Variants in PDE2A observed in about 807,000 individuals in gnomAD.
PDE2A encodes the protein phosphodiesterase 2A, also known as cGMP-dependent 3',5'-cyclic phosphodiesterase.
A neutral mutation model predicts 133.6 loss-of-function variants in PDE2A; 53 were observed. That is an observed-to-expected ratio of 0.40 (90% confidence interval 0.32 to 0.50). PDE2A has a LOEUF of 0.50. PDE2A is among the 20% of genes least tolerant of loss of function. The probability of loss-of-function intolerance (pLI) is 0.73; values close to 1 mark genes in which losing one functional copy is unlikely to be tolerated. For synonymous variants in PDE2A, 491 were observed against 490.2 expected, an observed-to-expected ratio of 1.00 and a Z score of -0.02; for missense variants, 796 against 1,232.4, an observed-to-expected ratio of 0.65 and a Z score of 5.30.
At position 72,674,381 on chromosome 11, in the gene PDE2A, C is replaced by T; in HGVS notation, c.-174G>A. ...TCCAGCTCTGCTGCCCCGCTGCTCC[C>T]GCCTCTCCCGCTGCCACTGCCTCTG... On this transcript the variant is annotated 5_prime_UTR_variant, in exon 1 of 31. Transcript: ENST00000334456. The T allele has an allele frequency of 1.7e-6, 1 of 591,280 alleles. No individual in the cohort carries two copies. 36.6% of individuals were successfully genotyped at this position (591,280 alleles called of 1,614,324 possible). A position where few individuals can be genotyped will look rare whatever the true frequency, so the allele number is the denominator to read the frequency against.
intron 1 of PDE2A, among the ~76,000 whole-genome samples, chr11:72,660,979 G>C (rs1040146529): frequency 2.6e-5 from 4 of 152,046 alleles, no homozygotes; most frequent in African/African-American, 9.7e-5. Context: ...ATGAGGCAGA[G>C]GGCATCTGGC....
chr11:72,605,191 G>A lies in PDE2A; in HGVS notation c.270C>T (p.Ser90=), dbSNP rs1856917471. ...TVYTYLLDGE[S]QLVCEDPPHE... ...GTGGGGGGTCCTCACACACCAGCTG[G>A]GACTCACCATCCAGTAGGTAGGTGT... Residue 90 remains serine (S), a synonymous_variant, in exon 4 of 31, where the codon TCC becomes TCT. Coordinates refer to ENST00000334456, the MANE Select transcript of PDE2A (RefSeq NM_002599.5). 6.2e-7 allele frequency: 1 copy of A among 1,611,204 alleles called. No homozygotes were observed. The highest frequency in any genetic ancestry group is 8.5e-7 in the Non-Finnish European group (1 of 1,178,438).
intron 4 of PDE2A, among the ~76,000 whole-genome samples, chr11:72,602,415 G>C (rs1856795682): frequency 6.6e-6 from 1 of 152,084 alleles, no homozygotes. Flanking sequence ...CGCCACACCT[G>C]CTGCTGTTTG....
At chr11:72,670,827 G>T (rs1855368358) in intron 1 of PDE2A, among the ~76,000 whole-genome samples, 1 of 152,180 alleles carries the variant, frequency 6.6e-6, no homozygotes. Context: ...ACCCAGGACA[G>T]ATATAACCAC....
At chr11:72,617,680 G>A (rs977423877) in intron 2 of PDE2A, among the ~76,000 whole-genome samples, 2 of 152,192 alleles carry the variant, frequency 1.3e-5, no homozygotes, top group African/African-American at 4.8e-5. Context: ...AGAAGCAGAG[G>A]GATAGACATA....
chr11:72,579,094 C>A (rs3825011), intron 27 of PDE2A, 85 bp from the exon 28 acceptor site: 2 of 1,102,032 alleles, frequency 1.8e-6, no homozygotes, highest in Non-Finnish European at 2.8e-6. Context: ...CAACCCAGAG[C>A]GGTCCAGGGA....
chr11:72,583,202 C>T (rs779622950), intron 20 of PDE2A, among the ~76,000 whole-genome samples: 1 of 152,170 alleles, frequency 6.6e-6, no homozygotes. Flanking sequence ...CTGGCTGAAC[C>T]AATTACTCCC....
At chr11:72,672,235 A>C (rs1181143610) in intron 1 of PDE2A, among the ~76,000 whole-genome samples, 2 of 151,850 alleles carry the variant, frequency 1.3e-5, no homozygotes, top group African/African-American at 2.4e-5. Flanking sequence ...AAGTGCAGTA[A>C]GGCAATCTCA....
intron 19 of PDE2A, 80 bp downstream of exon 19, chr11:72,584,121 A>C: frequency 1.3e-6 from 1 of 742,284 alleles, no homozygotes; most frequent in Non-Finnish European, 2.3e-6. Flanking sequence ...AAGGAGAGTC[A>C]GTCGGAGGAG....
intron 19 of PDE2A, 152 bp downstream of exon 19, chr11:72,584,049 G>A (rs988980237): frequency 2.5e-5 from 15 of 602,492 alleles, no homozygotes; most frequent in African/African-American, 2.2e-4. Context: ...GGTGGCCAGC[G>A]TGTCCTGAAG....
At chr11:72,673,373 A>C (rs562617190) in intron 1 of PDE2A, among the ~76,000 whole-genome samples, 1 of 149,812 alleles carries the variant, frequency 6.7e-6, no homozygotes, top group Admixed American at 6.7e-5. Flanking sequence ...TCTACACCCA[A>C]CATGTCCCTT....
At chr11:72,665,858 GAT>G (rs1855217922) in intron 1 of PDE2A, among the ~76,000 whole-genome samples, 1 of 150,830 alleles carries the variant, frequency 6.6e-6, no homozygotes, top group Admixed American at 6.6e-5. Context: ...CTCAAAGAGA[GAT>G]AACAGAGAAA....
intron 1 of PDE2A, among the ~76,000 whole-genome samples, chr11:72,648,237 G>A (rs1859182121): frequency 6.6e-6 from 1 of 152,134 alleles, no homozygotes; most frequent in Non-Finnish European, 1.5e-5. Flanking sequence ...CTCAGGAGAG[G>A]TACCTTCTGC....
intron 2 of PDE2A, among the ~76,000 whole-genome samples, chr11:72,629,271 GCCTAGGCAGCGGGGGCTGC>G (rs1399066486): frequency 6.6e-6 from 1 of 152,230 alleles, no homozygotes; most frequent in Non-Finnish European, 1.5e-5. Context: ...CAGGCAGATG[GCCTAGGCAGCGGGGGCTGC>G]CCCAGAGGCA....
intron 1 of PDE2A, among the ~76,000 whole-genome samples, chr11:72,656,250 C>A (rs567398903): frequency 2.6e-5 from 4 of 152,214 alleles, no homozygotes; most frequent in Non-Finnish European, 5.9e-5. Context: ...ACTGTTACCT[C>A]GGGACCTCAG....
intron 1 of PDE2A, among the ~76,000 whole-genome samples, chr11:72,667,955 A>G (rs912615806): frequency 6.6e-6 from 1 of 152,120 alleles, no homozygotes; most frequent in African/African-American, 2.4e-5. Context: ...GGACAGCAGC[A>G]AAGTGCTGGG....
At chr11:72,673,697 T>C (rs972216752) in intron 1 of PDE2A, among the ~76,000 whole-genome samples, 3 of 148,884 alleles carry the variant, frequency 2.0e-5, no homozygotes, top group African/African-American at 7.8e-5. Context: ...TCTTTCCCCC[T>C]CCCCACCTCC....
rs773300596 is a variant in PDE2A, at chr11:72,590,018, G to A, written c.757-37C>T. 2 of 1,570,578 alleles carry A rather than the reference G, an allele frequency of 1.3e-6. No homozygotes were observed. Among genetic ancestry groups the A allele is most frequent in the East Asian group, 2.3e-5 (1 of 43,610 alleles). On this transcript the variant is annotated intron_variant, in intron 9 of 30. Transcript: ENST00000334456. This position sits in a 1 kb window ranked among gnomAD's most constrained non-coding sequence, Gnocchi z 4.8. ...ACAGGCAGGGCGAGGGGGTGACCGCGGATCCGGGTCACCCCACTCCCCACC... is the reference window on the plus strand; with the variant it reads ...ACAGGCAGGGCGAGGGGGTGACCGCAGATCCGGGTCACCCCACTCCCCACC...
At chr11:72,655,261 G>A (rs1452111520) in intron 1 of PDE2A, among the ~76,000 whole-genome samples, 3 of 150,170 alleles carry the variant, frequency 2.0e-5, no homozygotes, top group Non-Finnish European at 3.0e-5. Flanking sequence ...ATGATCGATC[G>A]ACTGTCTCCC....
Sources: gnomAD v4.1 joint callset for allele counts (sites outside exome capture counted in the v4.1 genomes callset) on GRCh38, gnomAD v4.1.1 for gene constraint, Gnocchi (gnomAD v3.1) non-coding constraint, MANE v1.5 for transcripts, NCBI Gene and HGNC (gene_info 2026-07-23, HGNC 2026-07-21) for gene names.